Variants in UBXN7 observed in about 807,000 individuals in gnomAD.
UBXN7 encodes UBX domain-containing protein 7.
In UBXN7, 9 loss-of-function variants were observed where a neutral mutation model predicts 58.0. The observed-to-expected ratio is 0.16, with a 90% CI of 0.09 to 0.27. UBXN7 has a LOEUF of 0.27. UBXN7 is among the 10% of genes least tolerant of loss of function. The pLI, the probability that UBXN7 is intolerant of heterozygous loss-of-function variation, is 1.00. For synonymous variants in UBXN7, 208 were observed against 205.0 expected, an observed-to-expected ratio of 1.01 and a Z score of -0.12; for missense variants, 328 against 599.6, an observed-to-expected ratio of 0.55 and a Z score of 4.73.
intron 5 of UBXN7, 76 bp from the exon 6 acceptor site, chr3:196,372,118 T>C (rs1728850799): frequency 6.8e-7 from 1 of 1,472,872 alleles, no homozygotes; most frequent in Non-Finnish European, 9.0e-7. Flanking sequence ...TGTTCAGAGG[T>C]TGTTGTCTTT....
intron 1 of UBXN7, among the ~76,000 whole-genome samples, chr3:196,413,026 C>T (rs1285865187): frequency 6.6e-6 from 1 of 152,082 alleles, no homozygotes; most frequent in Non-Finnish European, 1.5e-5. Flanking sequence ...GTATTTAATA[C>T]CACTGAACTG....
chr3:196,418,309 T>TGACGGATG (rs59058303), intron 1 of UBXN7, among the ~76,000 whole-genome samples: 1 of 151,300 alleles, frequency 6.6e-6, no homozygotes, highest in African/African-American at 2.4e-5. Context: ...AATGACGGAA[T>TGACGGATG]GACGGACAGA....
chr3:196,409,443 AT>A (rs1420911340), intron 1 of UBXN7, among the ~76,000 whole-genome samples: 1 of 151,814 alleles, frequency 6.6e-6, no homozygotes, highest in African/African-American at 2.4e-5. Context: ...TTTTTGTGTG[AT>A]TTGTGATTTT....
In UBXN7 at chr3:196,370,982, C is replaced by T. The variant is rs140413440; in HGVS notation, c.615+914G>A. Among the ~76,000 whole-genome samples, 170 of 152,218 alleles carry T rather than the reference C, an allele frequency of 1.1e-3. 1 individual carries two copies. Among genetic ancestry groups the T allele is most frequent in the African/African-American group, 3.8e-3 (156 of 41,518 alleles). On this transcript the variant is annotated intron_variant, in intron 6 of 10. Coordinates refer to ENST00000296328, the MANE Select transcript of UBXN7 (RefSeq NM_015562.2). The stretch of plus-strand genomic sequence containing the variant: ...AGGTCAAGGCTGAGCCATGTTCATG[C>T]CACTGCATTGCAGCCTGGGTGACAG...
chr3:196,409,478 G>A lies in UBXN7; in HGVS notation c.74-2085C>T, dbSNP rs187599866. ...TTTTTACTGTGATGTCATGTGCCTT[G>A]AAATTTTAATCTACAGAATTCTGAA... On this transcript the variant is annotated intron_variant, in intron 1 of 10. Transcript: ENST00000296328. 4.6e-5 allele frequency among the ~76,000 whole-genome samples: 7 copies of A among 152,134 alleles called. No homozygotes were observed. The East Asian group carries it at 1.4e-3, about 29-fold the overall frequency.
At chr3:196,430,567 T>C (rs966623098) in intron 1 of UBXN7, among the ~76,000 whole-genome samples, 2 of 151,952 alleles carry the variant, frequency 1.3e-5, no homozygotes, top group Non-Finnish European at 2.9e-5. Flanking sequence ...TTCTTATTTC[T>C]GTAGAGATGG....
At chr3:196,361,801 T>C (rs749274747) in intron 10 of UBXN7, 43 bp downstream of exon 10, 9 of 1,548,374 alleles carry the variant, frequency 5.8e-6, no homozygotes, top group African/African-American at 1.4e-5. Context: ...GGACTCGTCT[T>C]ATTGCAGTGG....
At chr3:196,429,679 CA>C (rs1449239611) in intron 1 of UBXN7, among the ~76,000 whole-genome samples, 2 of 151,916 alleles carry the variant, frequency 1.3e-5, no homozygotes, top group African/African-American at 4.8e-5. Context: ...GAGAGAACCC[CA>C]AAAAAATTTT....
At chr3:196,417,076 G>A (rs1730510803) in intron 1 of UBXN7, among the ~76,000 whole-genome samples, 1 of 152,204 alleles carries the variant, frequency 6.6e-6, no homozygotes, top group Non-Finnish European at 1.5e-5. Context: ...AACTTTGGGG[G>A]GCCGAGGCGG....
At chr3:196,374,687 C>G (rs1262250005) in intron 5 of UBXN7, among the ~76,000 whole-genome samples, 1 of 150,288 alleles carries the variant, frequency 6.7e-6, no homozygotes, top group African/African-American at 2.5e-5. Context: ...TCAAGACCAG[C>G]CTGGTCAACA....
At chr3:196,428,557 A>G (rs1395719989) in intron 1 of UBXN7, among the ~76,000 whole-genome samples, 4 of 152,176 alleles carry the variant, frequency 2.6e-5, no homozygotes, top group Non-Finnish European at 4.4e-5. Flanking sequence ...TAAAATAAAT[A>G]TTGCTGTTGT....
Position 196,422,769 on chromosome 3 carries a change from C to T in UBXN7, c.73+9558G>A, listed in dbSNP as rs188531242. ...ATTATATGATCCAATAAACACACTC[C>T]TAGGTATTTATCAAAAGATATTCAC... On this transcript the variant is annotated intron_variant, in intron 1 of 10. Coordinates refer to ENST00000296328, the MANE Select transcript of UBXN7 (RefSeq NM_015562.2). Among the ~76,000 whole-genome samples, 329 of 152,228 alleles carry T rather than the reference C, an allele frequency of 2.2e-3. 3 individuals carry two copies. Among genetic ancestry groups the T allele is most frequent in the Admixed American group, 4.2e-3 (64 of 15,290 alleles).
At chr3:196,420,174 A>G (rs985810819) in intron 1 of UBXN7, among the ~76,000 whole-genome samples, 2 of 151,534 alleles carry the variant, frequency 1.3e-5, no homozygotes, top group African/African-American at 2.4e-5. Context: ...TTTTTTTTTA[A>G]GGGGGGGCTA....
At position 196,350,498 on chromosome 3, in the gene UBXN7, C is replaced by T. The variant is rs982762685; in HGVS notation, c.*6187G>A. ...AATTTCTTAAACATAGCCAATTACA[C>T]TAAAAATCATAACTATTTTCAGAGA... On this transcript the variant is annotated 3_prime_UTR_variant, in exon 11 of 11. Transcript: ENST00000296328. 4 of 146,204 alleles carry T rather than the reference C, an allele frequency of 2.7e-5. No individual in the cohort carries two copies. Among genetic ancestry groups the T allele is most frequent in the Non-Finnish European group, 3.0e-5 (2 of 66,212 alleles). 9.1% of individuals were successfully genotyped at this position (146,204 alleles called of 1,614,324 possible).
intron 6 of UBXN7, among the ~76,000 whole-genome samples, chr3:196,371,651 T>G (rs1404633487): frequency 1.3e-5 from 2 of 152,106 alleles, no homozygotes; most frequent in Non-Finnish European, 2.9e-5. Context: ...CTGGCTGATT[T>G]TTTGTATTTT....
chr3:196,370,409 C>T (rs1388855202), intron 6 of UBXN7, among the ~76,000 whole-genome samples: 2 of 150,498 alleles, frequency 1.3e-5, no homozygotes, highest in African/African-American at 4.9e-5. Context: ...GCTATGACTG[C>T]ACCACTGTGT....
At chr3:196,370,304 A>G (rs1577438399) in intron 6 of UBXN7, among the ~76,000 whole-genome samples, 3 of 151,468 alleles carry the variant, frequency 2.0e-5, no homozygotes, top group Admixed American at 2.0e-4. Context: ...TTTTTAAATT[A>G]GCCAGGTTTA....
Position 196,350,933 on chromosome 3 carries a change from C to G in UBXN7, c.*5752G>C, listed in dbSNP as rs1184509278. On this transcript the variant is annotated 3_prime_UTR_variant, in exon 11 of 11. Transcript: ENST00000296328. ...TCCATAGTACACAGCTGTCTTTAGC[C>G]TATTCATCAAGGCTGGTATTACCGG... 11 of 152,174 alleles carry G rather than the reference C, an allele frequency of 7.2e-5. No individual in the cohort carries two copies. Among genetic ancestry groups the G allele is most frequent in the African/African-American group, 2.7e-4 (11 of 41,454 alleles). The allele number at this position is 152,174 out of a possible 1,614,324, so 9.4% of individuals were successfully genotyped here.
At chr3:196,415,689 G>C (rs897644165) in intron 1 of UBXN7, among the ~76,000 whole-genome samples, 4 of 151,810 alleles carry the variant, frequency 2.6e-5, no homozygotes, top group African/African-American at 9.7e-5. Flanking sequence ...GGCTGAGGTA[G>C]GAAAATCGCT....
Sources: gnomAD v4.1 joint callset for allele counts (sites outside exome capture counted in the v4.1 genomes callset) on GRCh38, gnomAD v4.1.1 for gene constraint, MANE v1.5 for transcripts, NCBI Gene and HGNC (gene_info 2026-07-23, HGNC 2026-07-21) for gene names.